Variants in ELMOD1 observed in about 807,000 individuals in gnomAD.
ELMOD1 encodes ELMO domain-containing protein 1.
Under a neutral mutation model 46.7 loss-of-function variants are expected in ELMOD1, and 21 were observed. The ratio of observed to expected loss-of-function variants is 0.45; its 90% confidence interval spans 0.32 to 0.65. ELMOD1 has a LOEUF of 0.65. ELMOD1 is among the 30% of genes least tolerant of loss of function. ELMOD1 has a pLI of 0.04. For synonymous variants in ELMOD1, 122 were observed against 138.2 expected, an observed-to-expected ratio of 0.88 and a Z score of 0.82; for missense variants, 348 against 407.8, an observed-to-expected ratio of 0.85 and a Z score of 1.26.
chr11:107,659,419 A>T (rs1177932664), intron 11 of ELMOD1, among the ~76,000 whole-genome samples: 1 of 152,112 alleles, frequency 6.6e-6, no homozygotes, highest in African/African-American at 2.4e-5. Context: ...GGGCATTCTC[A>T]TAATGTAGGG....
At chr11:107,621,952 A>G (rs1591114281) in intron 2 of ELMOD1, among the ~76,000 whole-genome samples, 2 of 152,238 alleles carry the variant, frequency 1.3e-5, no homozygotes, top group South Asian at 4.2e-4. Flanking sequence ...GCTTGAACCC[A>G]GGAGGCGGAG....
At chr11:107,662,703 T>A (rs1866763474) in intron 11 of ELMOD1, among the ~76,000 whole-genome samples, 2 of 151,448 alleles carry the variant, frequency 1.3e-5, no homozygotes. Context: ...GGCAGGTGGA[T>A]CACTTGGGGT....
chr11:107,646,943 A>AATCT (rs10536920), intron 6 of ELMOD1, among the ~76,000 whole-genome samples: 37,165 of 147,888 alleles, frequency 0.25, 4,743 homozygotes, highest in Middle Eastern at 0.31. Flanking sequence ...TTATCTATCT[A>AATCT]ATCTATCTAT....
chr11:107,606,607 G>T lies in ELMOD1; in HGVS notation c.-85-11498G>T, dbSNP rs143343231. ...CCCAGCATTTTGGGAGGCCAAAGCG[G>T]GTGGATCGCTTGAGGTCAGGAGTTC... On this transcript the variant is annotated intron_variant, in intron 1 of 11. Transcript: ENST00000265840. 9.7e-3 allele frequency among the ~76,000 whole-genome samples: 1,480 copies of T among 152,282 alleles called. 26 individuals carry two copies. Among genetic ancestry groups the T allele is most frequent in the African/African-American group, 0.034 (1,411 of 41,554 alleles).
At position 107,647,595 on chromosome 11, in the gene ELMOD1, A is replaced by G. The variant is rs375545315; in HGVS notation, c.548A>G (p.Asn183Ser). The change falls in exon 7 of 12, where the codon AAT (asparagine) becomes AGT (serine). Residue 183 changes from asparagine to serine, a missense_variant. Transcript: ENST00000265840. ...FRGMGLLGLY[N>S]LQYFAERDAT... The stretch of plus-strand genomic sequence containing the variant: ...GGAATGGGACTTCTGGGACTGTACA[A>G]TTTGCAGTAAGTAAAATGAAGGACA... 1 of 1,611,250 alleles carries G rather than the reference A, an allele frequency of 6.2e-7. No homozygotes were observed. The highest frequency in any genetic ancestry group is 8.5e-7 in the Non-Finnish European group (1 of 1,178,982).
At chr11:107,649,178 T>G (rs1434959580) in intron 7 of ELMOD1, among the ~76,000 whole-genome samples, 1 of 152,216 alleles carries the variant, frequency 6.6e-6, no homozygotes, top group African/African-American at 2.4e-5. Context: ...TTCAAATAAC[T>G]GGGACAATTG....
intron 10 of ELMOD1, among the ~76,000 whole-genome samples, chr11:107,655,484 G>A (rs997943518): frequency 1.3e-5 from 2 of 151,318 alleles, no homozygotes; most frequent in African/African-American, 4.9e-5. Context: ...CAAAAGTCAA[G>A]GTTTTGATAG....
At chr11:107,648,405 C>T (rs1306190559) in intron 7 of ELMOD1, among the ~76,000 whole-genome samples, 1 of 152,170 alleles carries the variant, frequency 6.6e-6, no homozygotes, top group Non-Finnish European at 1.5e-5. Context: ...TGCAGGCAGG[C>T]CTGAAGAGAT....
intron 1 of ELMOD1, among the ~76,000 whole-genome samples, chr11:107,608,168 T>C (rs919548353): frequency 3.9e-5 from 6 of 152,104 alleles, no homozygotes; most frequent in African/African-American, 1.4e-4. Flanking sequence ...GTGACCCTTG[T>C]GATTGATTTT....
chr11:107,649,477 G>A, intron 7 of ELMOD1, among the ~76,000 whole-genome samples: 1 of 152,074 alleles, frequency 6.6e-6, no homozygotes, highest in East Asian at 1.9e-4. Flanking sequence ...TCTCTATAAG[G>A]TTATTTGTCT....
intron 1 of ELMOD1, among the ~76,000 whole-genome samples, chr11:107,599,768 A>G (rs1591098224): frequency 7.9e-6 from 1 of 125,924 alleles, no homozygotes; most frequent in Non-Finnish European, 1.7e-5. Flanking sequence ...AAGAAAAGAA[A>G]AAAAAAAAAA....
At position 107,609,185 on chromosome 11, in the gene ELMOD1, T is replaced by C. The variant is rs571229433; in HGVS notation, c.-85-8920T>C. ...ATTGCCTGGCACATAATAAGTACTT[T>C]GTGAATATTTGCTATTATCATTAAT... On this transcript the variant is annotated intron_variant, in intron 1 of 11. Transcript: ENST00000265840. 2.6e-5 allele frequency among the ~76,000 whole-genome samples: 4 copies of C among 152,240 alleles called. No homozygotes were observed. In the East Asian group the frequency reaches 7.7e-4, roughly 29 times the overall value.
chr11:107,654,313 T>C, intron 10 of ELMOD1, 91 bp downstream of exon 10: 1 of 1,088,562 alleles, frequency 9.2e-7, no homozygotes, highest in Non-Finnish European at 1.4e-6. Flanking sequence ...GGTGAAACTC[T>C]ACTTGTCCTA....
chr11:107,657,084 G>A (rs1245370005), intron 11 of ELMOD1, among the ~76,000 whole-genome samples: 1 of 152,032 alleles, frequency 6.6e-6, no homozygotes, highest in Non-Finnish European at 1.5e-5. Flanking sequence ...CTACATAATA[G>A]ATTAATGTAT....
chr11:107,663,571 C>A (rs1005098265), intron 11 of ELMOD1, among the ~76,000 whole-genome samples: 9 of 151,694 alleles, frequency 5.9e-5, no homozygotes, highest in Non-Finnish European at 7.4e-5. Context: ...CATACTTAAA[C>A]AAATATAAGC....
intron 10 of ELMOD1, 80 bp from the exon 11 acceptor site, chr11:107,655,853 A>C: frequency 1.4e-6 from 2 of 1,437,776 alleles, no homozygotes; most frequent in Non-Finnish European, 1.9e-6. Context: ...CACTGGTAGG[A>C]GTGTCTTTTA....
In ELMOD1 at chr11:107,665,962, A is replaced by AAAATAAATAAAT. The variant is rs200499547; in HGVS notation, c.*809_*820dup. 8.2e-6 allele frequency: 1 copy of AAAATAAATAAAT among 121,712 alleles called. No individual in the cohort carries two copies. Among genetic ancestry groups the AAAATAAATAAAT allele is most frequent in the Non-Finnish European group, 1.8e-5 (1 of 54,688 alleles). 7.5% of individuals were successfully genotyped at this position (121,712 alleles called of 1,614,324 possible). ...GGCGACAGAGCAAGACTCCATCTCA[A>AAAATAAATAAAT]AAATAAATAAATAAATAAATAAATA... On this transcript the variant is annotated 3_prime_UTR_variant, in exon 12 of 12. Coordinates refer to ENST00000265840, the MANE Select transcript of ELMOD1 (RefSeq NM_018712.4).
chr11:107,631,640 A>G lies in ELMOD1; in HGVS notation c.253A>G (p.Met85Val), dbSNP rs760709555. ...TATTGAAAAAACTATAGAAGATATCATGGAACTGAAAAAAATTAATCCTGA... is the reference window on the plus strand; with the variant it reads ...TATTGAAAAAACTATAGAAGATATCGTGGAACTGAAAAAAATTAATCCTGA... ...DAIEKTIEDI[M>V]ELKKINPDVN... Residue 85 changes from methionine (M) to valine (V), a missense_variant, in exon 5 of 12, where the codon ATG becomes GTG. By Grantham distance (21) the Met-to-Val change is conservative. Transcript: ENST00000265840. The G allele has an allele frequency of 1.3e-6, 2 of 1,560,080 alleles. No individual in the cohort carries two copies. Among genetic ancestry groups the G allele is most frequent in the East Asian group, 2.4e-5 (1 of 42,190 alleles).
At position 107,630,454 on chromosome 11, in the gene ELMOD1, T is replaced by C. The variant is rs1866115860; in HGVS notation, c.55T>C (p.Phe19Leu). Residue 19 changes from phenylalanine to leucine, a missense_variant, in exon 3 of 12, where the codon TTT (phenylalanine) becomes CTT (leucine). By Grantham distance (22) the Phe-to-Leu change is conservative. Transcript: ENST00000265840. ...IQVCLYFYCK[F>L]LWRCLKFVMR... ...GGTATGCCTGTATTTTTACTGTAAATTTCTGTGGCGCTGCCTGAAATTTGT... is the reference window on the plus strand; with the variant it reads ...GGTATGCCTGTATTTTTACTGTAAACTTCTGTGGCGCTGCCTGAAATTTGT... The C allele has an allele frequency of 1.2e-6, 2 of 1,604,122 alleles. No homozygotes were observed. Among genetic ancestry groups the C allele is most frequent in the Non-Finnish European group, 8.5e-7 (1 of 1,174,906 alleles).
Sources: gnomAD v4.1 joint callset for allele counts (sites outside exome capture counted in the v4.1 genomes callset) on GRCh38, gnomAD v4.1.1 for gene constraint, MANE v1.5 for transcripts, NCBI Gene and HGNC (gene_info 2026-07-23, HGNC 2026-07-21) for gene names.